ZNF610: variants seen among roughly 807,000 people sequenced by gnomAD.
The protein encoded by ZNF610 is zink finger protein.
Under a neutral mutation model 14.1 loss-of-function variants are expected in ZNF610, and 14 were observed. That is an observed-to-expected ratio of 0.99 (90% CI 0.65 to 1.55). ZNF610 has a LOEUF of 1.55. Ranked by LOEUF, ZNF610 falls within the 40% of genes most tolerant of loss-of-function variation. ZNF610 has a pLI of 0.00. For missense variants in ZNF610, 530 were observed against 558.0 expected, an observed-to-expected ratio of 0.95 and a Z score of 0.51; for synonymous variants, 185 against 187.6, an observed-to-expected ratio of 0.99 and a Z score of 0.11.
intron 5 of ZNF610, among the ~76,000 whole-genome samples, chr19:52,354,669 C>T (rs754951240): frequency 2.3e-4 from 34 of 147,850 alleles, no homozygotes; most frequent in Non-Finnish European, 4.9e-4. Flanking sequence ...ACTTCTGCCT[C>T]CCAGGTTCAA....
In ZNF610 at chr19:52,366,585, A is replaced by G; in HGVS notation, c.1207A>G (p.Asn403Asp). Residue 403 changes from asparagine to aspartate, a missense_variant, in exon 6 of 6, where the codon AAT becomes GAT. Asn to Asp is a conservative substitution (Grantham distance 23, BLOSUM62 1). Transcript: ENST00000403906. Reference protein sequence around the residue: ...IHTGEKPYKCNECDKVFGRKL... With the variant: ...IHTGEKPYKCDECDKVFGRKL... ...TACTGGAGAGAAACCTTACAAATGT[A>G]ATGAATGTGACAAAGTCTTTGGGCG... The G allele has an allele frequency of 6.2e-7, 1 of 1,614,228 alleles. No individual in the cohort carries two copies. The highest frequency in any genetic ancestry group is 8.5e-7 in the Non-Finnish European group (1 of 1,180,042).
chr19:52,366,781 T>C lies in ZNF610; in HGVS notation c.*14T>C. On this transcript the variant is annotated 3_prime_UTR_variant, in exon 6 of 6. Transcript: ENST00000403906. ...CAGATGGAATGAATGTGGCAAAATC[T>C]TTAGTTAGAATTCACACCTAGCACA... is the stretch of plus-strand genomic sequence containing the variant. 1 of 1,591,278 alleles carries C rather than the reference T, an allele frequency of 6.3e-7. No homozygotes were observed. The highest frequency in any genetic ancestry group is 1.1e-5 in the South Asian group (1 of 89,006).
chr19:52,346,641 A>G (rs1984972845), intron 1 of ZNF610, among the ~76,000 whole-genome samples: 1 of 152,202 alleles, frequency 6.6e-6, no homozygotes, highest in African/African-American at 2.4e-5. Flanking sequence ...ATGGTGCATT[A>G]CCTGCTCACA....
chr19:52,331,955 C>T (rs1018559351), upstream of ZNF610, among the ~76,000 whole-genome samples: 4 of 152,136 alleles, frequency 2.6e-5, no homozygotes, highest in African/African-American at 4.8e-5. Context: ...AGTGGCATCA[C>T]GAAGTGGCAC....
At chr19:52,331,770 T>A (rs1052315871), upstream of ZNF610, among the ~76,000 whole-genome samples, 1 of 152,188 alleles carries the variant, frequency 6.6e-6, no homozygotes, top group Admixed American at 6.5e-5. Context: ...CCTTTCTCGC[T>A]CTCTCTTTTG....
intron 3 of ZNF610, among the ~76,000 whole-genome samples, chr19:52,353,428 G>A (rs1020951673): frequency 1.3e-5 from 2 of 152,158 alleles, no homozygotes; most frequent in Admixed American, 6.6e-5. Context: ...TTGGGAGGCT[G>A]GGGCAGGATT....
At chr19:52,349,784 T>C (rs1985159781) in intron 3 of ZNF610, among the ~76,000 whole-genome samples, 1 of 152,136 alleles carries the variant, frequency 6.6e-6, no homozygotes, top group Non-Finnish European at 1.5e-5. Context: ...TTGGTCAGGC[T>C]GGTCTCGAAC....
intron 3 of ZNF610, among the ~76,000 whole-genome samples, chr19:52,351,024 G>C (rs185502698): frequency 6.6e-6 from 1 of 152,082 alleles, no homozygotes; most frequent in African/African-American, 2.4e-5. Context: ...CAGCATTATG[G>C]TATTTTAAAT....
intron 2 of ZNF610, among the ~76,000 whole-genome samples, 164 bp from the exon 3 acceptor site, chr19:52,348,990 C>T (rs1985101741): frequency 6.6e-6 from 1 of 152,148 alleles, no homozygotes. Flanking sequence ...AAAAATTTCA[C>T]TCATTCTTCC....
At chr19:52,354,790 G>A (rs1985449778) in intron 5 of ZNF610, among the ~76,000 whole-genome samples, 1 of 151,654 alleles carries the variant, frequency 6.6e-6, no homozygotes, top group South Asian at 2.1e-4. Flanking sequence ...TGTTGGACAG[G>A]TGGGTCTCAA....
intron 1 of ZNF610, among the ~76,000 whole-genome samples, chr19:52,337,661 G>C (rs371609179): frequency 6.6e-6 from 1 of 152,136 alleles, no homozygotes; most frequent in Non-Finnish European, 1.5e-5. Context: ...TGACAAAAGA[G>C]GGGGAACCTG....
At position 52,366,871 on chromosome 19, in the gene ZNF610, A is replaced by G; in HGVS notation, c.*104A>G. On this transcript the variant is annotated 3_prime_UTR_variant, in exon 6 of 6. Transcript: ENST00000403906. ...AAATGTGGCAAAGAATTTAGTTTGC[A>G]TTGAAGCCTCATCACTCATCTCTTG... 4 of 878,548 alleles carry G rather than the reference A, an allele frequency of 4.6e-6. No individual in the cohort carries two copies. The highest frequency in any genetic ancestry group is 6.9e-6 in the Non-Finnish European group (4 of 579,520). 54.4% of individuals were successfully genotyped at this position (878,548 alleles called of 1,614,324 possible).
rs1985121526 is a variant in ZNF610 at position 52,349,230 on chromosome 19, C to G, written c.58C>G (p.Pro20Ala). Residue 20 changes from proline to alanine, a missense_variant, in exon 3 of 6, where the codon CCT becomes GCT. By Grantham distance (27) the Pro-to-Ala change is conservative (BLOSUM62 -1). Transcript: ENST00000403906. ...RKAKESGMAL[P>A]QGRLTFMDVA... ...AGCAAAGGAGTCAGGGATGGCTCTT[C>G]CTCAGGTAAAGTGATATTCTCGGTG... 6.2e-7 allele frequency: 1 copy of G among 1,612,958 alleles called. No individual in the cohort carries two copies. The highest frequency in any genetic ancestry group is 1.1e-5 in the South Asian group (1 of 91,074).
intron 5 of ZNF610, among the ~76,000 whole-genome samples, chr19:52,365,228 A>G (rs1005963899): frequency 7.0e-6 from 1 of 143,772 alleles, no homozygotes; most frequent in Non-Finnish European, 1.5e-5. Context: ...ACAGAGAGAG[A>G]CTCCGTCTCA....
chr19:52,341,024 C>T (rs376671118), intron 1 of ZNF610, among the ~76,000 whole-genome samples: 1 of 152,096 alleles, frequency 6.6e-6, no homozygotes, highest in East Asian at 1.9e-4. Flanking sequence ...AGGTGTTGTC[C>T]ACTGAAACAC....
chr19:52,363,089 G>A (rs1010119412), intron 5 of ZNF610, among the ~76,000 whole-genome samples: 26 of 151,422 alleles, frequency 1.7e-4, no homozygotes, highest in Non-Finnish European at 3.4e-4. Context: ...GGGCTCCAAA[G>A]CCGAGAGACA....
chr19:52,354,257 G>C lies in ZNF610; in HGVS notation c.197G>C (p.Cys66Ser), dbSNP rs1377835741. The change falls in exon 5 of 6, where the codon TGT becomes TCT. Residue 66 changes from cysteine to serine, a missense_variant. Cys to Ser is a moderately radical substitution (Grantham distance 112). Transcript: ENST00000403906. ...TCTTTCTTTTTATTAACAGGAATCT[G>C]TCTTCCTGACCTAAGTATTATTTCC... ...NYRNLVFLGICLPDLSIISML... is the reference protein window; with the variant it reads ...NYRNLVFLGISLPDLSIISML... The C allele has an allele frequency of 6.2e-7, 1 of 1,613,776 alleles. No homozygotes were observed. The highest frequency in any genetic ancestry group is 8.5e-7 in the Non-Finnish European group (1 of 1,179,928).
At chr19:52,336,022 C>A (rs1984354225), upstream of ZNF610, among the ~76,000 whole-genome samples, 1 of 152,094 alleles carries the variant, frequency 6.6e-6, no homozygotes, top group South Asian at 2.1e-4. Context: ...CCTGCCACCA[C>A]GGCCGGCTTA....
upstream of ZNF610, among the ~76,000 whole-genome samples, chr19:52,335,676 T>C (rs8103897): frequency 6.8e-4 from 103 of 152,246 alleles, no homozygotes; most frequent in African/African-American, 2.5e-3. Flanking sequence ...TCTCCCGTGC[T>C]GGAGATCAGA....
Sources: gnomAD v4.1 joint callset for allele counts (sites outside exome capture counted in the v4.1 genomes callset) on GRCh38, gnomAD v4.1.1 for gene constraint, MANE v1.5 for transcripts, NCBI Gene and HGNC (gene_info 2026-07-23, HGNC 2026-07-21) for gene names.